The following ADIPOR2 variants were observed in gnomAD, a reference collection of about 807,000 sequenced individuals.
ADIPOR2 encodes adiponectin receptor protein 2.
ADIPOR2 carries 18 observed loss-of-function variants against 40.9 expected under a neutral mutation model. That is an observed-to-expected ratio of 0.44 (90% confidence interval 0.30 to 0.65). The LOEUF is 0.65. ADIPOR2 is among the 30% of genes least tolerant of loss of function. The pLI, the probability that ADIPOR2 is intolerant of heterozygous loss-of-function variation, is 0.09. For synonymous variants in ADIPOR2, 165 were observed against 166.4 expected (o/e 0.99, Z 0.06); for missense variants, 283 against 479.2 (o/e 0.59, Z 3.82).
chr12:1,764,588 C>CAT (rs71055195), intron 2 of ADIPOR2, among the ~76,000 whole-genome samples: 32,087 of 139,914 alleles, frequency 0.23, 4,373 homozygotes, highest in Admixed American at 0.42. Context: ...CACACACACA[C>CAT]ACGTAGATAT....
intron 1 of ADIPOR2, among the ~76,000 whole-genome samples, chr12:1,709,204 C>T (rs536690591): frequency 3.9e-4 from 59 of 152,158 alleles, no homozygotes; most frequent in African/African-American, 1.2e-3. Context: ...AGAGAATTGT[C>T]GTTTAAAAAA....
intron 3 of ADIPOR2, among the ~76,000 whole-genome samples, chr12:1,777,382 C>CTTTTTTT (rs59141974): frequency 4.1e-5 from 4 of 98,744 alleles, no homozygotes; most frequent in Non-Finnish European, 8.3e-5. Flanking sequence ...TTTTTTCTTT[C>CTTTTTTT]TTTTTTTTTT....
intron 1 of ADIPOR2, among the ~76,000 whole-genome samples, chr12:1,727,099 T>C (rs2094709467): frequency 6.6e-6 from 1 of 152,232 alleles, no homozygotes; most frequent in Admixed American, 6.5e-5. Flanking sequence ...ATACCTTCTC[T>C]TTAGTTGGCA....
chr12:1,735,504 A>G (rs569105117), intron 1 of ADIPOR2, among the ~76,000 whole-genome samples: 25 of 152,270 alleles, frequency 1.6e-4, no homozygotes, highest in East Asian at 3.9e-4. Flanking sequence ...GGCTGAGACA[A>G]TGGGGTTTTC....
chr12:1,730,102 A>AT (rs1347967281), intron 1 of ADIPOR2, among the ~76,000 whole-genome samples: 4 of 152,134 alleles, frequency 2.6e-5, no homozygotes, highest in African/African-American at 9.7e-5. Flanking sequence ...ATGAGATGTG[A>AT]TTCTCATTTA....
intron 1 of ADIPOR2, among the ~76,000 whole-genome samples, chr12:1,716,278 T>C: frequency 6.6e-6 from 1 of 152,226 alleles, no homozygotes; most frequent in East Asian, 1.9e-4. Flanking sequence ...CTATTAAAAA[T>C]GGGATGAAAT....
rs1862887494 is a variant in ADIPOR2 at position 1,788,571 on chromosome 12, T to C, written c.*2499T>C. 1 of 152,654 alleles carries C rather than the reference T, an allele frequency of 6.6e-6. No individual in the cohort carries two copies. Among genetic ancestry groups the C allele is most frequent in the Non-Finnish European group, 1.5e-5 (1 of 68,036 alleles). 9.5% of individuals were successfully genotyped at this position (152,654 alleles called of 1,614,324 possible). Reference sequence around the variant, plus strand: ...CCACAAAGCACATTTTTGGGGATCATAGAAGGTTGGGGTTCCAGAAAGGCA... The same window carrying C: ...CCACAAAGCACATTTTTGGGGATCACAGAAGGTTGGGGTTCCAGAAAGGCA... On this transcript the variant is annotated 3_prime_UTR_variant, in exon 8 of 8. Coordinates refer to ENST00000357103, the MANE Select transcript of ADIPOR2 (RefSeq NM_024551.3).
At chr12:1,768,683 C>G (rs951040609) in intron 2 of ADIPOR2, among the ~76,000 whole-genome samples, 1 of 152,170 alleles carries the variant, frequency 6.6e-6, no homozygotes, top group African/African-American at 2.4e-5. Context: ...CTATGGTTCT[C>G]TGTCTTTCCA....
chr12:1,691,629 G>C (rs749047282), intron 1 of ADIPOR2, among the ~76,000 whole-genome samples: 50 of 152,172 alleles, frequency 3.3e-4, no homozygotes, highest in Non-Finnish European at 6.5e-4. Flanking sequence ...CTTGGGATGG[G>C]CTCTCTCAGC....
intron 1 of ADIPOR2, among the ~76,000 whole-genome samples, chr12:1,692,268 T>C (rs2094628724): frequency 6.6e-6 from 1 of 152,178 alleles, no homozygotes; most frequent in Non-Finnish European, 1.5e-5. Flanking sequence ...CTATACGTCT[T>C]GTCAGTTCTG....
chr12:1,713,845 G>A (rs1039390479), intron 1 of ADIPOR2, among the ~76,000 whole-genome samples: 3 of 151,956 alleles, frequency 2.0e-5, no homozygotes, highest in African/African-American at 4.8e-5. Flanking sequence ...ACTGAGCCTC[G>A]GATGGTAACG....
intron 1 of ADIPOR2, among the ~76,000 whole-genome samples, chr12:1,694,876 C>T (rs1416605812): frequency 6.6e-6 from 1 of 151,810 alleles, no homozygotes; most frequent in Admixed American, 6.6e-5. Context: ...TCCCATATTC[C>T]CTTCCCTTCC....
chr12:1,776,085 G>A (rs1290823648), intron 3 of ADIPOR2, among the ~76,000 whole-genome samples: 1 of 152,186 alleles, frequency 6.6e-6, no homozygotes, highest in Non-Finnish European at 1.5e-5. Context: ...ATGGCTGGGG[G>A]CAGGAAGAGT....
At chr12:1,692,361 G>T (rs1023465513) in intron 1 of ADIPOR2, among the ~76,000 whole-genome samples, 1 of 152,062 alleles carries the variant, frequency 6.6e-6, no homozygotes, top group East Asian at 1.9e-4. Context: ...GTTTTCATCC[G>T]TTCTGATAAA....
intron 1 of ADIPOR2, among the ~76,000 whole-genome samples, chr12:1,750,141 T>C (rs2094765797): frequency 6.6e-6 from 1 of 152,284 alleles, no homozygotes; most frequent in Admixed American, 6.5e-5. Flanking sequence ...TTGGAATTTT[T>C]AGCATATAGG....
intron 2 of ADIPOR2, chr12:1,760,612 T>A: frequency 6.6e-6 from 1 of 152,228 alleles, no homozygotes; most frequent in Non-Finnish European, 1.5e-5. Flanking sequence ...TTACTTAGCA[T>A]AATGTTTTTA....
chr12:1,777,595 C>T (rs537610142), intron 3 of ADIPOR2, among the ~76,000 whole-genome samples: 1 of 152,060 alleles, frequency 6.6e-6, no homozygotes, highest in African/African-American at 2.4e-5. Context: ...AGCTCCTGAC[C>T]TCAGGTGATC....
intron 2 of ADIPOR2, among the ~76,000 whole-genome samples, chr12:1,770,072 A>G (rs1236524453): frequency 1.3e-5 from 2 of 151,060 alleles, no homozygotes; most frequent in Non-Finnish European, 1.5e-5. Context: ...CAGGCACGCA[A>G]CACCACTCCT....
chr12:1,703,961 C>T (rs1017269162), intron 1 of ADIPOR2, among the ~76,000 whole-genome samples: 11 of 150,594 alleles, frequency 7.3e-5, no homozygotes, highest in African/African-American at 2.7e-4. Context: ...GATCCTCCTG[C>T]CTCAGCCTCC....
Sources: allele counts gnomAD v4.1 joint callset (sites outside exome capture counted in the v4.1 genomes callset), GRCh38; gene constraint gnomAD v4.1.1; transcripts MANE v1.5; gene names NCBI Gene and HGNC (gene_info 2026-07-23, HGNC 2026-07-21).